Variants in PKIB observed in about 807,000 individuals in gnomAD.
PKIB encodes PKI-beta.
Under a neutral mutation model 4.5 loss-of-function variants are expected in PKIB, and 2 were observed. That is an observed-to-expected ratio of 0.44 (90% CI 0.18 to 1.39). The LOEUF (loss-of-function observed/expected upper bound fraction) is 1.39, where lower values mean the gene tolerates loss of function less well. PKIB is among the 40% of genes most tolerant of loss of function. PKIB has a pLI of 0.27. For missense variants in PKIB, 94 were observed against 92.6 expected (o/e 1.02, Z -0.06); for synonymous variants, 38 against 36.0 (o/e 1.06, Z -0.20).
chr6:122,488,942 T>C (rs1421890804), intron 2 of PKIB, among the ~76,000 whole-genome samples: 1 of 152,200 alleles, frequency 6.6e-6, no homozygotes. Context: ...ATTCTGGCCA[T>C]TGGCTTTTCA....
intron 2 of PKIB, among the ~76,000 whole-genome samples, chr6:122,663,369 A>G (rs1437970609): frequency 2.0e-5 from 3 of 152,210 alleles, no homozygotes; most frequent in Non-Finnish European, 2.9e-5. Context: ...GGATTAACAT[A>G]GTTTATACCT....
rs537785961 is a variant in PKIB, at chr6:122,474,088, G to A, written c.-337+2047G>A. Among the ~76,000 whole-genome samples, 27 of 152,296 alleles carry A rather than the reference G, an allele frequency of 1.8e-4. No individual in the cohort carries two copies. In the East Asian group the frequency reaches 3.7e-3, roughly 21 times the overall value. On this transcript the variant is annotated intron_variant, in intron 1 of 6. Coordinates refer to the PKIB transcript ENST00000392491. ...GCAGAGGTTGCAGTGAGCTGGGATC[G>A]TGCCACTGCACTCCGGCCTAGGTGA...
intron 2 of PKIB, among the ~76,000 whole-genome samples, chr6:122,647,809 C>T (rs1330846524): frequency 1.3e-5 from 2 of 152,230 alleles, no homozygotes; most frequent in African/African-American, 4.8e-5. Context: ...TTATGATTCC[C>T]TTCTTCCATT....
At chr6:122,483,016 C>T (rs1335835658) in intron 2 of PKIB, 2 of 150,952 alleles carry the variant, frequency 1.3e-5, no homozygotes, top group Non-Finnish European at 3.0e-5. Flanking sequence ...TCCTTTAGAC[C>T]ATCTTAAAAT....
At chr6:122,670,322 G>A (rs1004862125) in intron 2 of PKIB, among the ~76,000 whole-genome samples, 3 of 151,950 alleles carry the variant, frequency 2.0e-5, no homozygotes, top group Non-Finnish European at 4.4e-5. Context: ...GGAGCAAATA[G>A]CAGCCAGCCA....
At chr6:122,526,736 G>A (rs1452033118) in intron 2 of PKIB, among the ~76,000 whole-genome samples, 1 of 152,002 alleles carries the variant, frequency 6.6e-6, no homozygotes, top group East Asian at 1.9e-4. Context: ...AAGGTTCTAG[G>A]ATTTTTCAGA....
At chr6:122,579,038 C>T (rs1773629955) in intron 2 of PKIB, among the ~76,000 whole-genome samples, 2 of 152,178 alleles carry the variant, frequency 1.3e-5, no homozygotes, top group African/African-American at 4.8e-5. Flanking sequence ...AACTTCTTTC[C>T]TTTATAAATT....
intron 2 of PKIB, among the ~76,000 whole-genome samples, chr6:122,514,573 C>G (rs1467247676): frequency 6.6e-6 from 1 of 152,116 alleles, no homozygotes; most frequent in Non-Finnish European, 1.5e-5. Context: ...AAAGACAATA[C>G]AAAATAAGGG....
chr6:122,513,962 A>G (rs1776666305), intron 2 of PKIB, among the ~76,000 whole-genome samples: 1 of 152,206 alleles, frequency 6.6e-6, no homozygotes. Flanking sequence ...ATCTCTTTCT[A>G]GGTCAGTGCT....
intron 2 of PKIB, among the ~76,000 whole-genome samples, chr6:122,550,575 T>G (rs974322110): frequency 1.1e-4 from 17 of 152,296 alleles, no homozygotes; most frequent in Non-Finnish European, 2.2e-4. Flanking sequence ...GATACCATTT[T>G]CACCAATATC....
chr6:122,542,772 A>T (rs1290247843), intron 2 of PKIB, among the ~76,000 whole-genome samples: 1 of 152,074 alleles, frequency 6.6e-6, no homozygotes, highest in African/African-American at 2.4e-5. Flanking sequence ...AAGTCTGCAG[A>T]GGTTACTGCT....
intron 2 of PKIB, among the ~76,000 whole-genome samples, chr6:122,668,237 G>A (rs1056669256): frequency 2.6e-5 from 4 of 152,134 alleles, no homozygotes; most frequent in Non-Finnish European, 4.4e-5. Context: ...CCAGTATTAA[G>A]AGTTTAAAAG....
Position 122,540,207 on chromosome 6 carries a change from T to A in PKIB, c.-247-45714T>A, listed in dbSNP as rs190987070. Among the ~76,000 whole-genome samples, 1,008 of 152,212 alleles carry A rather than the reference T, an allele frequency of 6.6e-3. 59 individuals are homozygous for A. The East Asian group carries it at 0.13, about 19-fold the overall frequency. ...CAGTTCTGCTCTGATTTTACTTATT[T>A]CTTGCCTTCTGCTAGCTTTTGAATG... On this transcript the variant is annotated intron_variant, in intron 2 of 6. Transcript: ENST00000392491.
At chr6:122,486,879 C>T (rs954786011) in intron 2 of PKIB, among the ~76,000 whole-genome samples, 9 of 152,024 alleles carry the variant, frequency 5.9e-5, no homozygotes, top group Admixed American at 3.9e-4. Context: ...TGAAGAATTC[C>T]ATCTACCCTT....
rs554241673 is a variant in PKIB, at chr6:122,475,235, C to T, written c.-336-2616C>T. The stretch of plus-strand genomic sequence containing the variant: ...CTGGGATTACAGGCGTGTACCAAAA[C>T]GCCTGGCCCATTGAATTTTTGAGAG... On this transcript the variant is annotated intron_variant, in intron 1 of 6. Coordinates refer to the PKIB transcript ENST00000392491. Among the ~76,000 whole-genome samples, 135 of 152,296 alleles carry T rather than the reference C, an allele frequency of 8.9e-4. 1 individual carries two copies. The highest frequency in any genetic ancestry group is 3.2e-3 in the African/African-American group (132 of 41,562).
intron 3 of PKIB, among the ~76,000 whole-genome samples, chr6:122,591,220 C>CACACACCCA (rs1554222348): frequency 1.4e-5 from 2 of 142,722 alleles, no homozygotes; most frequent in Admixed American, 7.0e-5. Flanking sequence ...ACACACACAC[C>CACACACCCA]CCCCACATAC....
intron 2 of PKIB, among the ~76,000 whole-genome samples, chr6:122,518,717 C>T (rs1418823325): frequency 6.6e-6 from 1 of 152,002 alleles, no homozygotes; most frequent in Non-Finnish European, 1.5e-5. Flanking sequence ...ATCATGACCC[C>T]TTTTAGACCG....
chr6:122,643,754 G>A (rs1298873899), intron 2 of PKIB: 1 of 151,886 alleles, frequency 6.6e-6, no homozygotes, highest in Non-Finnish European at 1.5e-5. Flanking sequence ...GTAAATGTAT[G>A]GTTTTTTTAA....
At chr6:122,499,008 A>G (rs1407760013) in intron 2 of PKIB, among the ~76,000 whole-genome samples, 1 of 152,220 alleles carries the variant, frequency 6.6e-6, no homozygotes, top group Admixed American at 6.5e-5. Flanking sequence ...CCAAGACTGA[A>G]TGAGGAACAA....
Sources: gnomAD v4.1 joint callset for allele counts (sites outside exome capture counted in the v4.1 genomes callset) on GRCh38, gnomAD v4.1.1 for gene constraint, MANE v1.5 for transcripts, NCBI Gene and HGNC (gene_info 2026-07-23, HGNC 2026-07-21) for gene names.